Variants in LOC128462377 observed in about 807,000 individuals in gnomAD.
At chr16:89,368,071 C>T in the LOC128462377 span, among the ~76,000 whole-genome samples, 1 of 152,142 alleles carries the variant, frequency 6.6e-6, no homozygotes, top group Admixed American at 6.5e-5. Flanking sequence ...ATCTGAAAAC[C>T]CTGTTTATCT....
At chr16:89,416,306 T>A in the LOC128462377 span, among the ~76,000 whole-genome samples, 1 of 152,040 alleles carries the variant, frequency 6.6e-6, no homozygotes, top group Non-Finnish European at 1.5e-5. Context: ...CATCGATTTT[T>A]TTTTTTCCCC....
At chr16:89,376,953 G>A in the LOC128462377 span, among the ~76,000 whole-genome samples, 3 of 152,342 alleles carry the variant, frequency 2.0e-5, no homozygotes, top group African/African-American at 4.8e-5. Context: ...GAAGGGAAAA[G>A]ATAAACACCA....
the LOC128462377 span, among the ~76,000 whole-genome samples, chr16:89,334,169 A>AAAAAAAAAAC: frequency 4.7e-5 from 5 of 107,292 alleles, 1 homozygote; most frequent in Admixed American, 2.0e-4. Flanking sequence ...AAAAAAAAAA[A>AAAAAAAAAAC]AAAACAGAGA....
the LOC128462377 span, among the ~76,000 whole-genome samples, chr16:89,413,439 C>G: frequency 9.9e-5 from 15 of 152,094 alleles, no homozygotes; most frequent in Admixed American, 9.8e-4. Context: ...TCCTAGCTAA[C>G]ACGAGGAAAC....
At chr16:89,356,726 A>G in the LOC128462377 span, among the ~76,000 whole-genome samples, 11 of 147,258 alleles carry the variant, frequency 7.5e-5, no homozygotes, top group Admixed American at 6.8e-4. Flanking sequence ...GCTTGCAGTG[A>G]GCCAAGATCG....
chr16:89,391,926 C>G, the LOC128462377 span, among the ~76,000 whole-genome samples: 1 of 152,176 alleles, frequency 6.6e-6, no homozygotes, highest in African/African-American at 2.4e-5. Flanking sequence ...CCCTGGCATG[C>G]TTATACTGGT....
the LOC128462377 span, chr16:89,323,727 C>T: frequency 1.5e-5 from 4 of 270,878 alleles, no homozygotes; most frequent in Non-Finnish European, 2.9e-5. Context: ...TTCTGAAGAG[C>T]CCTCCCCAAG....
chr16:89,397,310 C>G, the LOC128462377 span, among the ~76,000 whole-genome samples: 77 of 152,384 alleles, frequency 5.1e-4, no homozygotes, highest in African/African-American at 1.8e-3. Context: ...AGGCCTCTCA[C>G]AAGTCCAACT....
At chr16:89,391,836 T>C in the LOC128462377 span, among the ~76,000 whole-genome samples, 2 of 152,362 alleles carry the variant, frequency 1.3e-5, no homozygotes, top group East Asian at 3.9e-4. Context: ...TGTACTGACA[T>C]TCTTAAATAT....
the LOC128462377 span, among the ~76,000 whole-genome samples, chr16:89,336,359 C>T: frequency 2.0e-5 from 3 of 152,210 alleles, no homozygotes; most frequent in African/African-American, 4.8e-5. Flanking sequence ...GACCTAGAGG[C>T]GGGTGTGCGT....
the LOC128462377 span, among the ~76,000 whole-genome samples, chr16:89,319,184 AC>A: frequency 6.6e-6 from 1 of 152,250 alleles, no homozygotes; most frequent in African/African-American, 2.4e-5. Context: ...TGGCCCACGG[AC>A]ACACTCAACA....
At chr16:89,330,017 AAAT>A in the LOC128462377 span, among the ~76,000 whole-genome samples, 10 of 152,076 alleles carry the variant, frequency 6.6e-5, no homozygotes, top group East Asian at 1.7e-3. Flanking sequence ...AAATAAAATA[AAAT>A]AAAATAAAAT....
chr16:89,360,000 ACCCAGTACTAAG>A, the LOC128462377 span, among the ~76,000 whole-genome samples: 1 of 151,812 alleles, frequency 6.6e-6, no homozygotes, highest in African/African-American at 2.4e-5. Context: ...TTATTCTATC[ACCCAGTACTAAG>A]CCCAGTACCC....
chr16:89,383,259 A>G, the LOC128462377 span, among the ~76,000 whole-genome samples: 2 of 152,252 alleles, frequency 1.3e-5, no homozygotes, highest in Admixed American at 1.3e-4. Flanking sequence ...GCTCAAGATA[A>G]CCGGCTCTGC....
chr16:89,345,974 G>A, the LOC128462377 span, among the ~76,000 whole-genome samples: 4 of 152,124 alleles, frequency 2.6e-5, 1 homozygote, highest in South Asian at 8.3e-4. Context: ...CCAGACACAG[G>A]CTCATGCCTG....
the LOC128462377 span, among the ~76,000 whole-genome samples, chr16:89,388,315 T>TTTTTTTTTA: frequency 1.4e-5 from 2 of 145,396 alleles, no homozygotes; most frequent in South Asian, 2.2e-4. Flanking sequence ...TTTTTTTTTT[T>TTTTTTTTTA]GAGACGGAGT....
chr16:89,399,063 C>T, the LOC128462377 span, among the ~76,000 whole-genome samples: 1 of 152,192 alleles, frequency 6.6e-6, no homozygotes, highest in African/African-American at 2.4e-5. Context: ...TTCAGTGTTG[C>T]CTCAACAGAA....
chr16:89,352,633 G>T, the LOC128462377 span, among the ~76,000 whole-genome samples: 12 of 152,150 alleles, frequency 7.9e-5, no homozygotes, highest in African/African-American at 2.9e-4. Flanking sequence ...AAGGGTAAAA[G>T]CTCTGTCCGC....
chr16:89,373,156 TG>T, the LOC128462377 span: 12 of 152,360 alleles, frequency 7.9e-5, no homozygotes, highest in East Asian at 1.9e-3. Flanking sequence ...ACAGAAGCAA[TG>T]GAAAAGGCCT....
Sources: gnomAD v4.1 joint callset for allele counts (sites outside exome capture counted in the v4.1 genomes callset) on GRCh38, gnomAD v4.1.1 for gene constraint, MANE v1.5 for transcripts.